The following SHROOM2 variants were observed in gnomAD, a reference collection of about 807,000 sequenced individuals.
SHROOM2 encodes protein Shroom2.
Under a neutral mutation model 75.9 loss-of-function variants are expected in SHROOM2, and 33 were observed. The ratio of observed to expected loss-of-function variants is 0.43; its 90% CI spans 0.33 to 0.58. The LOEUF is 0.58. SHROOM2 is among the 20% of genes least tolerant of loss of function. SHROOM2 has a pLI of 0.04. For synonymous variants in SHROOM2, 655 were observed against 663.6 expected, an observed-to-expected ratio of 0.99 and a Z score of 0.20; for missense variants, 1,434 against 1,461.2, an observed-to-expected ratio of 0.98 and a Z score of 0.30.
intron 5 of SHROOM2, among the ~76,000 whole-genome samples, chrX:9,915,954 A>G (rs1440012382): frequency 2.7e-5 from 3 of 111,891 alleles, no homozygotes; most frequent in Non-Finnish European, 5.6e-5. Flanking sequence ...AGTTTTTAAT[A>G]TATCTTACCA....
At chrX:9,887,260 C>T (rs1262757803) in intron 2 of SHROOM2, among the ~76,000 whole-genome samples, 2 of 112,472 alleles carry the variant, frequency 1.8e-5, no homozygotes, top group Non-Finnish European at 3.8e-5. Context: ...TTTAAGGAAT[C>T]GGTGCATGGG....
chrX:9,895,902 C>T lies in SHROOM2; in HGVS notation c.1994C>T (p.Ala665Val), dbSNP rs1477180062. ...GAGGATGGCACCGGCCGCTGGAGGG[C>T]CGGGTTGGGAGGTGGCACCCAGGAA... The part of the protein sequence containing the change: ...EAEDGTGRWR[A>V]GLGGGTQEGP... Residue 665 changes from alanine to valine, a missense_variant, in exon 4 of 10, where the codon GCC (alanine) becomes GTC (valine). Ala to Val is a moderately conservative substitution (Grantham distance 64, BLOSUM62 0). Coordinates refer to ENST00000380913, the MANE Select transcript of SHROOM2 (RefSeq NM_001649.4). The T allele has an allele frequency of 6.7e-6, 8 of 1,197,284 alleles. No individual in the cohort carries two copies. Among genetic ancestry groups the T allele is most frequent in the Non-Finnish European group, 9.0e-6 (8 of 888,848 alleles).
chrX:9,807,233 G>T (rs936675049), intron 1 of SHROOM2, among the ~76,000 whole-genome samples: 3 of 112,249 alleles, frequency 2.7e-5, no homozygotes, highest in Admixed American at 9.4e-5. Flanking sequence ...CATAACAGAT[G>T]CTCAGTAGAT....
intron 1 of SHROOM2, among the ~76,000 whole-genome samples, chrX:9,869,090 G>T (rs2084158108): frequency 9.0e-6 from 1 of 110,894 alleles, no homozygotes; most frequent in Non-Finnish European, 1.9e-5. Context: ...CCGAGTAGCT[G>T]GGATTACAGG....
intron 2 of SHROOM2, among the ~76,000 whole-genome samples, chrX:9,885,464 G>GTGC (rs1360713768): frequency 9.0e-6 from 1 of 110,637 alleles, no homozygotes; most frequent in Non-Finnish European, 1.9e-5. Flanking sequence ...CATTTCAGAG[G>GTGC]TGCCAACAAA....
chrX:9,818,882 A>G, intron 1 of SHROOM2: 1 of 534,065 alleles, frequency 1.9e-6, no homozygotes, highest in East Asian at 3.5e-5. Context: ...TCCATTCTGC[A>G]CCTTTGAGCT....
At chrX:9,857,050 G>A (rs995430804) in intron 1 of SHROOM2, among the ~76,000 whole-genome samples, 5 of 112,093 alleles carry the variant, frequency 4.5e-5, no homozygotes, top group African/African-American at 1.3e-4. Context: ...CAAAAGGTGC[G>A]GTCTTCCTGG....
intron 1 of SHROOM2, among the ~76,000 whole-genome samples, chrX:9,857,344 G>C (rs972183421): frequency 1.8e-5 from 2 of 111,067 alleles, no homozygotes; most frequent in African/African-American, 6.6e-5. Flanking sequence ...ATTTTAGGGG[G>C]AGTGGGGATG....
chrX:9,816,580 C>CCTGCTGCTGCTGCTGCTG (rs112480338), intron 1 of SHROOM2, among the ~76,000 whole-genome samples: 12,970 of 102,419 alleles, frequency 0.13, 645 homozygotes, highest in East Asian at 0.19. Context: ...AGCCTTACCC[C>CCTGCTGCTGCTGCTGCTG]CTGCTGCTGC....
chrX:9,862,659 G>A (rs1387998259), intron 1 of SHROOM2, among the ~76,000 whole-genome samples: 1 of 112,115 alleles, frequency 8.9e-6, no homozygotes, highest in Non-Finnish European at 1.9e-5. Flanking sequence ...AAGCACGCTG[G>A]AATGATGAAG....
intron 2 of SHROOM2, among the ~76,000 whole-genome samples, chrX:9,888,651 C>A (rs2084274423): frequency 9.0e-6 from 1 of 111,098 alleles, no homozygotes; most frequent in Non-Finnish European, 1.9e-5. Context: ...GCTATGCTAC[C>A]CAGGCTGATC....
chrX:9,832,987 CAG>C (rs2083924193), intron 1 of SHROOM2, among the ~76,000 whole-genome samples: 1 of 111,187 alleles, frequency 9.0e-6, no homozygotes, highest in Admixed American at 9.6e-5. Flanking sequence ...TGGGCAGTCA[CAG>C]AGGGGAGATG....
At chrX:9,863,931 T>C (rs971588562) in intron 1 of SHROOM2, among the ~76,000 whole-genome samples, 1 of 111,534 alleles carries the variant, frequency 9.0e-6, no homozygotes, top group African/African-American at 3.3e-5. Flanking sequence ...TAAAGAGCTG[T>C]GTCATTGGAT....
At chrX:9,853,681 C>T (rs766446864) in intron 1 of SHROOM2, among the ~76,000 whole-genome samples, 3 of 112,068 alleles carry the variant, frequency 2.7e-5, no homozygotes, top group Non-Finnish European at 3.8e-5. Flanking sequence ...AGGATGACAT[C>T]GTCATCACCA....
chrX:9,871,391 G>T (rs1403452894), intron 1 of SHROOM2, among the ~76,000 whole-genome samples: 2 of 111,468 alleles, frequency 1.8e-5, no homozygotes, highest in South Asian at 3.8e-4. Context: ...GAAGAAACCT[G>T]GGGGGAGGGT....
At chrX:9,824,818 G>A (rs761377103) in intron 1 of SHROOM2, among the ~76,000 whole-genome samples, 3 of 111,391 alleles carry the variant, frequency 2.7e-5, no homozygotes, top group East Asian at 2.8e-4. Flanking sequence ...AGTTTGACAC[G>A]GCTGTTTTCA....
chrX:9,841,387 C>T (rs932518532), intron 1 of SHROOM2, among the ~76,000 whole-genome samples: 1 of 111,608 alleles, frequency 9.0e-6, no homozygotes, highest in African/African-American at 3.3e-5. Context: ...GCTTTTGAAT[C>T]GTTTCATTTG....
intron 1 of SHROOM2, among the ~76,000 whole-genome samples, chrX:9,812,215 C>G (rs1432924828): frequency 9.0e-6 from 1 of 111,674 alleles, no homozygotes; most frequent in Non-Finnish European, 1.9e-5. Context: ...TGGGGGCCTG[C>G]CAAAGGCTCC....
At chrX:9,875,530 G>A (rs2084196192) in intron 2 of SHROOM2, among the ~76,000 whole-genome samples, 2 of 111,761 alleles carry the variant, frequency 1.8e-5, no homozygotes, top group Admixed American at 1.9e-4. Flanking sequence ...AAAAACACTG[G>A]GCTGTGCTTG....
Sources: allele counts gnomAD v4.1 joint callset (sites outside exome capture counted in the v4.1 genomes callset), GRCh38; gene constraint gnomAD v4.1.1; transcripts MANE v1.5; gene names NCBI Gene and HGNC (gene_info 2026-07-23, HGNC 2026-07-21).